The following CEP78 variants were observed in gnomAD, a reference collection of about 807,000 sequenced individuals.
The protein encoded by CEP78 is centrosomal protein of 78 kDa.
In CEP78, 76 loss-of-function variants were observed where a neutral mutation model predicts 81.2. The observed-to-expected ratio is 0.94, with a 90% CI of 0.78 to 1.13. The LOEUF (loss-of-function observed/expected upper bound fraction) is 1.13. CEP78 is among the 50% of genes most tolerant of loss of function. The probability of loss-of-function intolerance (pLI) is 0.00; values close to 1 mark genes in which losing one functional copy is unlikely to be tolerated. For missense variants in CEP78, 918 were observed against 846.8 expected (o/e 1.08, Z -1.04); for synonymous variants, 293 against 301.4 (o/e 0.97, Z 0.29).
chr9:78,266,560 A>C lies in CEP78; in HGVS notation c.1964A>C (p.Glu655Ala). The change falls in exon 16 of 17, where the codon GAG (glutamate) becomes GCG (alanine). Residue 655 changes from glutamate to alanine, a missense_variant. Physicochemically the swap from Glu to Ala is moderately radical, Grantham distance 107. Coordinates refer to ENST00000643273, the MANE Select transcript of CEP78 (RefSeq NM_001330691.3). ...AACAACCTAGGAGTCCCAGCTACTG[A>C]GCAGCGGCAGGAGTCTTTTGAAGGA... is the stretch of plus-strand genomic sequence containing the variant. The part of the protein sequence containing the change: ...SSNNLGVPAT[E>A]QRQESFEGFI... The C allele has an allele frequency of 6.2e-7, 1 of 1,613,912 alleles. No homozygotes were observed. The highest frequency in any genetic ancestry group is 1.1e-5 in the South Asian group (1 of 91,072).
intron 4 of CEP78, among the ~76,000 whole-genome samples, chr9:78,243,085 T>A (rs1826307505): frequency 6.6e-6 from 1 of 152,186 alleles, no homozygotes; most frequent in Non-Finnish European, 1.5e-5. Context: ...TCCAGTCAAG[T>A]GTTTAGAGAC....
chr9:78,239,993 G>A, intron 1 of CEP78, 30 bp from the exon 2 acceptor site: 1 of 1,519,664 alleles, frequency 6.6e-7, no homozygotes, highest in Non-Finnish European at 8.8e-7. Flanking sequence ...TATGATTGAA[G>A]TCACTAACTT....
chr9:78,250,929 G>A (rs559626118), intron 8 of CEP78, among the ~76,000 whole-genome samples: 10 of 152,004 alleles, frequency 6.6e-5, no homozygotes, highest in Non-Finnish European at 1.2e-4. Context: ...GTTACACCAC[G>A]GGAAATATTT....
rs561285490 is a variant in CEP78, at chr9:78,236,766, C to A, written c.253+163C>A. The A allele has an allele frequency of 1.7e-4, 141 of 828,364 alleles. 3 individuals are homozygous for A. The South Asian group carries it at 3.4e-3, about 20-fold the overall frequency. The allele number at this position is 828,364 out of a possible 1,614,324, so 51.3% of individuals were successfully genotyped here. On this transcript the variant is annotated intron_variant, in intron 1 of 16. Transcript: ENST00000643273. ...AAGGTCTCTAGGGCTTCAGTGTGCT[C>A]ATCCGTAACATGGGCTTAATAACGA...
intron 16 of CEP78, among the ~76,000 whole-genome samples, chr9:78,270,502 T>TA (rs1177674165): frequency 3.3e-5 from 5 of 152,182 alleles, no homozygotes; most frequent in Admixed American, 3.3e-4. Flanking sequence ...ACTGAGTACT[T>TA]ACCAGCACAT....
At chr9:78,270,306 G>A (rs554990825) in intron 16 of CEP78, among the ~76,000 whole-genome samples, 50 of 152,072 alleles carry the variant, frequency 3.3e-4, no homozygotes, top group Non-Finnish European at 5.9e-4. Context: ...ATTTAAAACC[G>A]TAACATTAAG....
chr9:78,253,522 G>C (rs753738884), intron 10 of CEP78: 1 of 402,638 alleles, frequency 2.5e-6, no homozygotes, highest in Non-Finnish European at 4.5e-6. Flanking sequence ...CAAATCAGCT[G>C]TTGCCTCCAG....
intron 11 of CEP78, among the ~76,000 whole-genome samples, chr9:78,262,551 T>G (rs1587602051): frequency 6.6e-6 from 1 of 152,148 alleles, no homozygotes; most frequent in Non-Finnish European, 1.5e-5. Context: ...TCAGGTGTGT[T>G]AAGTGTGTTA....
chr9:78,261,999 A>G (rs1317778655), intron 11 of CEP78, among the ~76,000 whole-genome samples: 3 of 152,122 alleles, frequency 2.0e-5, no homozygotes, highest in Non-Finnish European at 4.4e-5. Context: ...TGGTACACAC[A>G]CCTGGATATT....
chr9:78,245,655 A>G (rs1178855303), intron 5 of CEP78, among the ~76,000 whole-genome samples: 1 of 152,156 alleles, frequency 6.6e-6, no homozygotes, highest in Non-Finnish European at 1.5e-5. Flanking sequence ...TACTTTTGTG[A>G]TAATCCTTTT....
intron 11 of CEP78, among the ~76,000 whole-genome samples, chr9:78,261,807 C>A (rs1366849659): frequency 6.6e-6 from 1 of 152,032 alleles, no homozygotes; most frequent in Non-Finnish European, 1.5e-5. Flanking sequence ...TTTGCAATTT[C>A]TTTTTCCTTT....
chr9:78,237,887 A>G (rs1294532843), intron 1 of CEP78, among the ~76,000 whole-genome samples: 1 of 150,038 alleles, frequency 6.7e-6, no homozygotes, highest in African/African-American at 2.5e-5. Context: ...GGGGGTGTGG[A>G]TCACCTGAGG....
At chr9:78,240,790 CT>C (rs1826190615) in intron 3 of CEP78, among the ~76,000 whole-genome samples, 1 of 151,986 alleles carries the variant, frequency 6.6e-6, no homozygotes, top group South Asian at 2.1e-4. Flanking sequence ...GAAACCCCAT[CT>C]CTACTAAAAA....
chr9:78,277,106 AAT>A lies in CEP78; in HGVS notation c.*6256_*6257del. The A allele has an allele frequency of 6.6e-6, 1 of 152,158 alleles. No homozygotes were observed. Among genetic ancestry groups the A allele is most frequent in the African/African-American group, 2.4e-5 (1 of 41,436 alleles). 9.4% of individuals were successfully genotyped at this position (152,158 alleles called of 1,614,324 possible). A position where few individuals can be genotyped will look rare whatever the true frequency, so the allele number is the denominator to read the frequency against. On this transcript the variant is annotated 3_prime_UTR_variant, in exon 17 of 17. Transcript: ENST00000643273. ...AGAGAAGGGTTTGAACTATTCAGTA[AAT>A]GATGTTGAGGTTATTTACTACTTTT... is the stretch of plus-strand genomic sequence containing the variant.
intron 5 of CEP78, among the ~76,000 whole-genome samples, chr9:78,245,875 TA>T (rs1563981597): frequency 6.6e-6 from 1 of 152,222 alleles, no homozygotes; most frequent in African/African-American, 2.4e-5. Flanking sequence ...ATTTTTATTC[TA>T]AAACTAACAG....
At chr9:78,255,521 G>A (rs759228517) in intron 11 of CEP78, among the ~76,000 whole-genome samples, 1 of 152,112 alleles carries the variant, frequency 6.6e-6, no homozygotes, top group Admixed American at 6.5e-5. Context: ...TCTGGCGAGG[G>A]CCTGCTTTCT....
intron 12 of CEP78, 117 bp downstream of exon 12, chr9:78,263,101 A>G (rs758191526): frequency 2.0e-6 from 1 of 490,220 alleles, no homozygotes; most frequent in Non-Finnish European, 3.7e-6. Flanking sequence ...TGTATTGCAA[A>G]TGGTCACAGT....
At chr9:78,236,803 T>C (rs1825966159) in intron 1 of CEP78, 200 bp downstream of exon 1, 1 of 606,126 alleles carries the variant, frequency 1.6e-6, no homozygotes, top group Non-Finnish European at 2.6e-6. Context: ...ACCCAGGTTA[T>C]GTGCGCCTTC....
intron 3 of CEP78, among the ~76,000 whole-genome samples, 195 bp from the exon 4 acceptor site, chr9:78,241,501 G>A (rs1264653353): frequency 6.6e-6 from 1 of 152,122 alleles, no homozygotes; most frequent in Non-Finnish European, 1.5e-5. Context: ...TTGAACTATT[G>A]CAATAAACTG....
Sources: allele counts gnomAD v4.1 joint callset (sites outside exome capture counted in the v4.1 genomes callset), GRCh38; gene constraint gnomAD v4.1.1; transcripts MANE v1.5; gene names NCBI Gene and HGNC (gene_info 2026-07-23, HGNC 2026-07-21).